The following ATP6V1D variants were observed in gnomAD, a reference collection of about 807,000 sequenced individuals.
The protein encoded by ATP6V1D is ATPase H+ transporting V1 subunit D, also known as V-type proton ATPase subunit D.
A neutral mutation model predicts 39.4 loss-of-function variants in ATP6V1D; 20 were observed. That is an observed-to-expected ratio of 0.51 (90% CI 0.36 to 0.74). The LOEUF (loss-of-function observed/expected upper bound fraction) is 0.74, where lower values mean the gene tolerates loss of function less well. Ranked by LOEUF, ATP6V1D falls within the 30% of genes least tolerant of loss-of-function variation. ATP6V1D has a pLI of 0.00. For missense variants in ATP6V1D, 228 were observed against 291.6 expected (o/e 0.78, Z 1.59); for synonymous variants, 100 against 100.5 (o/e 0.99, Z 0.03).
At chr14:67,356,843 G>A (rs539096713) in intron 1 of ATP6V1D, among the ~76,000 whole-genome samples, 1 of 152,286 alleles carries the variant, frequency 6.6e-6, no homozygotes, top group East Asian at 1.9e-4. Context: ...CCATCTCAAT[G>A]TGTGCATTTA....
At chr14:67,338,992 C>CTTTTT (rs772977015) in intron 8 of ATP6V1D, among the ~76,000 whole-genome samples, 2 of 131,158 alleles carry the variant, frequency 1.5e-5, no homozygotes, top group African/African-American at 2.8e-5. Context: ...AGACAGAAGC[C>CTTTTT]TTTTTTTTTT....
chr14:67,340,683 C>G (rs1394060730), intron 7 of ATP6V1D, among the ~76,000 whole-genome samples, 165 bp from the exon 8 acceptor site: 1 of 152,202 alleles, frequency 6.6e-6, no homozygotes, highest in South Asian at 2.1e-4. Context: ...TCCTCTCCCC[C>G]TCCCCCTCTC....
rs906749907 is a variant in ATP6V1D at position 67,345,754 on chromosome 14, C to A, written c.456+14G>T. 6.3e-7 allele frequency: 1 copy of A among 1,579,078 alleles called. No homozygotes were observed. On this transcript the variant is annotated intron_variant, in intron 6 of 8. Transcript: ENST00000216442. ...ATCAAACTACAGGAGTTCTCCAGGT[C>A]TTTTGCTACTTACCTGCAGAGAAGC...
At chr14:67,356,713 C>T (rs1157389965) in intron 1 of ATP6V1D, among the ~76,000 whole-genome samples, 1 of 152,246 alleles carries the variant, frequency 6.6e-6, no homozygotes, top group East Asian at 1.9e-4. Flanking sequence ...TTCACTGTAC[C>T]CCAAACATGT....
rs369382914 is a variant in ATP6V1D at position 67,353,001 on chromosome 14, C to G, written c.81G>C (p.Gln27His). 6 of 1,613,874 alleles carry G rather than the reference C, an allele frequency of 3.7e-6. No individual in the cohort carries two copies. Among genetic ancestry groups the G allele is most frequent in the African/African-American group, 1.3e-5 (1 of 74,900 alleles). The change falls in exon 2 of 9, where the codon CAG becomes CAC. Residue 27 changes from glutamine (Q) to histidine (H), a missense_variant. By Grantham distance (24) the Gln-to-His change is conservative (BLOSUM62 0). Transcript: ENST00000216442. ...TTTTCTTCAGGAGGTTTCGACCTGT[C>G]TGTGCTCCCTTTAAACGAGCCTTCA... The part of the protein sequence containing the change: ...TIMKARLKGA[Q>H]TGRNLLKKKS...
At position 67,359,745 on chromosome 14, in the gene ATP6V1D, C is replaced by T. The variant is rs550635180; in HGVS notation, c.-47G>A. 6.2e-7 allele frequency: 1 copy of T among 1,610,368 alleles called. No individual in the cohort carries two copies. Among genetic ancestry groups the T allele is most frequent in the Admixed American group, 1.7e-5 (1 of 59,990 alleles). On this transcript the variant is annotated 5_prime_UTR_variant, in exon 1 of 9. Transcript: ENST00000216442. ...CGGGTCCCCGGCCGGGCAACCGAGG[C>T]TGCAATAGCTCCAGAACTGGCCTCC...
chr14:67,346,732 T>C (rs1238561939), intron 5 of ATP6V1D, among the ~76,000 whole-genome samples: 3 of 152,174 alleles, frequency 2.0e-5, no homozygotes, highest in Non-Finnish European at 4.4e-5. Context: ...GCTATAAAAA[T>C]CTAGAAAGAA....
intron 6 of ATP6V1D, among the ~76,000 whole-genome samples, chr14:67,344,772 C>G (rs2085608931): frequency 6.6e-6 from 1 of 151,726 alleles, no homozygotes; most frequent in Non-Finnish European, 1.5e-5. Context: ...GTCCAAGCTA[C>G]TTGGGAGGCT....
intron 1 of ATP6V1D, 67 bp downstream of exon 1, chr14:67,359,591 G>A: frequency 1.3e-6 from 2 of 1,569,214 alleles, no homozygotes; most frequent in Non-Finnish European, 1.8e-6. Context: ...TGTGGCCCAG[G>A]GTCTGAAGGG....
intron 7 of ATP6V1D, among the ~76,000 whole-genome samples, chr14:67,342,557 C>CTTTTTTTTTTTTT (rs767148771): frequency 2.9e-5 from 4 of 136,968 alleles, no homozygotes; most frequent in Non-Finnish European, 6.3e-5. Context: ...ACGAATTATC[C>CTTTTTTTTTTTTT]TTTTTTTTTT....
intron 1 of ATP6V1D, among the ~76,000 whole-genome samples, chr14:67,358,944 C>G (rs1757635494): frequency 6.6e-6 from 1 of 152,180 alleles, no homozygotes; most frequent in East Asian, 1.9e-4. Flanking sequence ...TTAAGACACT[C>G]TTTCATCCTG....
Position 67,338,128 on chromosome 14 carries a change from C to T in ATP6V1D, c.*493G>A, listed in dbSNP as rs867870417. The T allele has an allele frequency of 6.5e-6, 1 of 152,874 alleles. No homozygotes were observed. The highest frequency in any genetic ancestry group is 6.5e-5 in the Admixed American group (1 of 15,326). 9.5% of individuals were successfully genotyped at this position (152,874 alleles called of 1,614,324 possible). On this transcript the variant is annotated 3_prime_UTR_variant, in exon 9 of 9. Coordinates refer to ENST00000216442, the MANE Select transcript of ATP6V1D (RefSeq NM_015994.4). Reference sequence around the variant, plus strand: ...AGTCGCATTTAAATTGGCAGAATGGCTCCCATGACAGACAAGACAGGAACC... The same window carrying T: ...AGTCGCATTTAAATTGGCAGAATGGTTCCCATGACAGACAAGACAGGAACC...
At chr14:67,338,798 C>G in intron 8 of ATP6V1D, 36 bp from the exon 9 acceptor site, 3 of 1,568,882 alleles carry the variant, frequency 1.9e-6, no homozygotes, top group Non-Finnish European at 2.6e-6. Context: ...TTTTTAAACA[C>G]TGTTTCAATA....
intron 1 of ATP6V1D, among the ~76,000 whole-genome samples, chr14:67,354,327 T>A (rs1315403225): frequency 6.6e-6 from 1 of 152,226 alleles, no homozygotes; most frequent in Non-Finnish European, 1.5e-5. Context: ...CTTATTTGAT[T>A]TGTAAGTTAA....
chr14:67,339,521 T>C (rs550949325), intron 8 of ATP6V1D, among the ~76,000 whole-genome samples: 9 of 152,126 alleles, frequency 5.9e-5, no homozygotes, highest in Non-Finnish European at 1.3e-4. Flanking sequence ...CTACCTCCCA[T>C]TTCTCTGAAC....
chr14:67,343,504 T>C, intron 6 of ATP6V1D, 66 bp from the exon 7 acceptor site: 1 of 1,146,796 alleles, frequency 8.7e-7, no homozygotes, highest in Non-Finnish European at 1.3e-6. Flanking sequence ...ATCACTTGAC[T>C]CCACTAAGAC....
intron 7 of ATP6V1D, 72 bp from the exon 8 acceptor site, chr14:67,340,590 T>C (rs1192567965): frequency 8.1e-7 from 1 of 1,235,990 alleles, no homozygotes; most frequent in African/African-American, 1.5e-5. Flanking sequence ...TGCTCATTTG[T>C]ATAACAGTTA....
chr14:67,342,219 A>T (rs200566703), intron 7 of ATP6V1D, among the ~76,000 whole-genome samples: 5,619 of 94,170 alleles, frequency 0.06, 300 homozygotes, highest in African/African-American at 0.24. Context: ...TAAATAAAAT[A>T]AAATAAAAAA....
At chr14:67,342,557 CTT>C (rs767148771) in intron 7 of ATP6V1D, among the ~76,000 whole-genome samples, 1 of 136,980 alleles carries the variant, frequency 7.3e-6, no homozygotes, top group African/African-American at 2.7e-5. Context: ...ACGAATTATC[CTT>C]TTTTTTTTTT....
Sources: allele counts gnomAD v4.1 joint callset (sites outside exome capture counted in the v4.1 genomes callset), GRCh38; gene constraint gnomAD v4.1.1; transcripts MANE v1.5; gene names NCBI Gene and HGNC (gene_info 2026-07-23, HGNC 2026-07-21).